The following CALN1 variants were observed in gnomAD, a reference collection of about 807,000 sequenced individuals.
CALN1 encodes the protein calcium-binding protein 8.
In CALN1, 17 loss-of-function variants were observed where a neutral mutation model predicts 30.6. The ratio of observed to expected loss-of-function variants is 0.56; its 90% CI spans 0.38 to 0.83. The LOEUF is 0.83. CALN1 is among the 40% of genes least tolerant of loss of function. CALN1 has a pLI of 0.00. For missense variants in CALN1, 291 were observed against 354.9 expected, an observed-to-expected ratio of 0.82 and a Z score of 1.45; for synonymous variants, 156 against 131.4, an observed-to-expected ratio of 1.19 and a Z score of -1.28.
At chr7:72,479,762 G>T in the CALN1 span, among the ~76,000 whole-genome samples, 2 of 152,026 alleles carry the variant, frequency 1.3e-5, no homozygotes, top group Non-Finnish European at 2.9e-5. Context: ...TGTTGGCCAG[G>T]CTGGTCTGGA....
chr7:71,781,577 C>T lies in CALN1; in HGVS notation c.*6198G>A, dbSNP rs1176168583. 6.6e-6 allele frequency: 1 copy of T among 152,256 alleles called. No homozygotes were observed. Among genetic ancestry groups the T allele is most frequent in the Non-Finnish European group, 1.5e-5 (1 of 68,054 alleles). The allele number at this position is 152,256 out of a possible 1,614,324, so 9.4% of individuals were successfully genotyped here. A position where few individuals can be genotyped will look rare whatever the true frequency, so the allele number is the denominator to read the frequency against. ...AGCCCTTTAAGAACTTTCTTTGTCT[C>T]CCTCAGGTCCAGGGATGGAGCAATA... On this transcript the variant is annotated 3_prime_UTR_variant, in exon 7 of 7. Transcript: ENST00000395275.
intron 2 of CALN1, among the ~76,000 whole-genome samples, chr7:72,348,118 C>A (rs552451439): frequency 1.3e-5 from 2 of 152,024 alleles, no homozygotes; most frequent in Admixed American, 1.3e-4. Flanking sequence ...GAGATTCTGT[C>A]TCAAAGAAAA....
chr7:71,908,949 C>T (rs748958650), intron 5 of CALN1, among the ~76,000 whole-genome samples: 1 of 152,180 alleles, frequency 6.6e-6, no homozygotes, highest in Non-Finnish European at 1.5e-5. Context: ...TTGAGCACTT[C>T]AATGTTTGTT....
chr7:71,810,521 C>A, intron 5 of CALN1, 29 bp from the exon 6 acceptor site: 2 of 1,603,986 alleles, frequency 1.2e-6, no homozygotes, highest in South Asian at 2.2e-5. Context: ...GTGAGATGGT[C>A]AGAAGCATGT....
chr7:72,366,235 G>A lies in CALN1; in HGVS notation c.119+37016C>T, dbSNP rs190803997. Among the ~76,000 whole-genome samples the A allele has an allele frequency of 4.9e-3, 741 of 151,740 alleles. 6 individuals are homozygous for A. The highest frequency in any genetic ancestry group is 0.017 in the African/African-American group (687 of 41,362). On this transcript the variant is annotated intron_variant, in intron 2 of 6. Coordinates refer to ENST00000395275, the MANE Select transcript of CALN1 (RefSeq NM_031468.4). ...TTCACCCAGGCTGGAGTGCAGTGGC[G>A]CCATCTCAGCTCAATGCAACCTCCA...
chr7:71,854,269 C>G (rs1232657968), intron 5 of CALN1, among the ~76,000 whole-genome samples: 2 of 151,834 alleles, frequency 1.3e-5, no homozygotes, highest in Non-Finnish European at 2.9e-5. Context: ...ACCTGGGAGG[C>G]AGAGGTTGCA....
intron 3 of CALN1, among the ~76,000 whole-genome samples, chr7:72,250,662 C>T (rs1298112816): frequency 2.0e-5 from 3 of 151,990 alleles, no homozygotes; most frequent in Admixed American, 2.0e-4. Flanking sequence ...TGAGTTCTTG[C>T]TCTATTAGTT....
intron 5 of CALN1, among the ~76,000 whole-genome samples, chr7:71,887,017 G>T (rs532731814): frequency 6.6e-6 from 1 of 152,036 alleles, no homozygotes; most frequent in African/African-American, 2.4e-5. Context: ...CATCGTAGAG[G>T]GTGAGTGAGA....
intron 3 of CALN1, among the ~76,000 whole-genome samples, chr7:72,267,453 T>C (rs1282382937): frequency 6.6e-6 from 1 of 152,186 alleles, no homozygotes; most frequent in Non-Finnish European, 1.5e-5. Flanking sequence ...CTCCACCCAC[T>C]GAAATTTGAT....
At chr7:72,022,417 G>C (rs1364918557) in intron 5 of CALN1, among the ~76,000 whole-genome samples, 3 of 152,188 alleles carry the variant, frequency 2.0e-5, no homozygotes, top group Non-Finnish European at 2.9e-5. Flanking sequence ...GTTTGAGACA[G>C]GGTCTTGCTC....
At chr7:72,365,836 G>GT (rs1442556140) in intron 2 of CALN1, among the ~76,000 whole-genome samples, 2 of 152,200 alleles carry the variant, frequency 1.3e-5, no homozygotes, top group African/African-American at 4.8e-5. Flanking sequence ...GGAAAATTCA[G>GT]TGTGAGTGAG....
Position 71,842,064 on chromosome 7 carries a change from G to A in CALN1, c.502-31572C>T, listed in dbSNP as rs117793591. 1.3e-4 allele frequency among the ~76,000 whole-genome samples: 20 copies of A among 152,026 alleles called. No individual in the cohort carries two copies. In the East Asian group the frequency reaches 3.9e-3, roughly 29 times the overall value. On this transcript the variant is annotated intron_variant, in intron 5 of 6. Coordinates refer to ENST00000395275, the MANE Select transcript of CALN1 (RefSeq NM_031468.4). ...CCTTCTTGGTCAAGGGTCCGTGCCA[G>A]TTTGTTACTGATTAGGAGAGAGAGA...
At chr7:72,457,344 A>C in the CALN1 span, among the ~76,000 whole-genome samples, 200 of 152,270 alleles carry the variant, frequency 1.3e-3, no homozygotes, top group African/African-American at 4.5e-3. Flanking sequence ...ATGCCCTTTC[A>C]TAAGTTGCTG....
At chr7:72,199,795 G>C (rs1201275511) in intron 3 of CALN1, among the ~76,000 whole-genome samples, 2 of 152,192 alleles carry the variant, frequency 1.3e-5, no homozygotes, top group Middle Eastern at 3.4e-3. Flanking sequence ...AGCTGTGATT[G>C]CACCACTATA....
chr7:72,358,004 G>A (rs959962465), intron 2 of CALN1, among the ~76,000 whole-genome samples: 75 of 151,080 alleles, frequency 5.0e-4, no homozygotes, highest in African/African-American at 1.8e-3. Flanking sequence ...ATGGGGTTTT[G>A]TATTTAAGAG....
chr7:72,088,784 G>GGGAAGGAAGGGAAGGAAGGAA (rs1554436709), intron 4 of CALN1, among the ~76,000 whole-genome samples: 1 of 149,018 alleles, frequency 6.7e-6, no homozygotes, highest in Non-Finnish European at 1.5e-5. Flanking sequence ...AGAGAAGGAA[G>GGGAAGGAAGGGAAGGAAGGAA]GGAAGGAAGG....
intron 2 of CALN1, among the ~76,000 whole-genome samples, chr7:72,386,932 T>C (rs1585632692): frequency 6.6e-6 from 1 of 151,826 alleles, no homozygotes; most frequent in South Asian, 2.1e-4. Flanking sequence ...GTTTAGTATA[T>C]ATACATATAT....
intron 2 of CALN1, among the ~76,000 whole-genome samples, chr7:72,319,231 G>A (rs978842700): frequency 1.3e-5 from 2 of 152,142 alleles, no homozygotes; most frequent in Admixed American, 1.3e-4. Context: ...ACATACCCGA[G>A]ACTGGACAAT....
At chr7:72,356,491 G>T (rs1048666799) in intron 2 of CALN1, among the ~76,000 whole-genome samples, 1 of 151,786 alleles carries the variant, frequency 6.6e-6, no homozygotes, top group Non-Finnish European at 1.5e-5. Context: ...ATATACCAGT[G>T]GGTCAAGGAT....
Sources: allele counts gnomAD v4.1 joint callset (sites outside exome capture counted in the v4.1 genomes callset), GRCh38; gene constraint gnomAD v4.1.1; transcripts MANE v1.5; gene names NCBI Gene and HGNC (gene_info 2026-07-23, HGNC 2026-07-21).